KCNQ5: variants seen among roughly 807,000 people sequenced by gnomAD.
The protein encoded by KCNQ5 is potassium voltage-gated channel subfamily KQT member 5.
In KCNQ5, 30 loss-of-function variants were observed where a neutral mutation model predicts 98.2. The ratio of observed to expected loss-of-function variants is 0.31; its 90% CI spans 0.23 to 0.41. KCNQ5 has a LOEUF of 0.41. KCNQ5 is among the 10% of genes least tolerant of loss of function. The probability of loss-of-function intolerance (pLI) is 1.00; values close to 1 mark genes in which losing one functional copy is unlikely to be tolerated. For synonymous variants in KCNQ5, 458 were observed against 449.4 expected (o/e 1.02, Z -0.24); for missense variants, 835 against 1,182.5 (o/e 0.71, Z 4.31).
chr6:72,988,022 G>C (rs1008141643), intron 1 of KCNQ5, among the ~76,000 whole-genome samples: 1 of 152,136 alleles, frequency 6.6e-6, no homozygotes, highest in African/African-American at 2.4e-5. Context: ...TATCTTGATG[G>C]GCTTGGATGA....
At chr6:72,910,711 T>G (rs1290902561) in intron 1 of KCNQ5, among the ~76,000 whole-genome samples, 3 of 151,938 alleles carry the variant, frequency 2.0e-5, no homozygotes, top group African/African-American at 7.2e-5. Context: ...ACTCTAAATT[T>G]TGTTGCTGTG....
At chr6:72,729,590 T>C (rs926619210) in intron 1 of KCNQ5, among the ~76,000 whole-genome samples, 25 of 152,312 alleles carry the variant, frequency 1.6e-4, no homozygotes, top group African/African-American at 6.0e-4. Context: ...TTTTTAATTT[T>C]AAAAGAAACT....
At chr6:73,146,926 A>T (rs564389016) in intron 10 of KCNQ5, among the ~76,000 whole-genome samples, 2 of 152,298 alleles carry the variant, frequency 1.3e-5, no homozygotes, top group South Asian at 4.1e-4. Flanking sequence ...GTTTTAAAAA[A>T]TTGTTTTCAC....
intron 1 of KCNQ5, among the ~76,000 whole-genome samples, chr6:72,852,729 A>G (rs1301603763): frequency 6.9e-6 from 1 of 145,038 alleles, no homozygotes; most frequent in Non-Finnish European, 1.5e-5. Flanking sequence ...AAAAGATAAA[A>G]TAATTTTTTA....
In KCNQ5 at chr6:72,965,991, C is replaced by G. The variant is rs551574314; in HGVS notation, c.399-37917C>G. ...TCCCAGGGAGGTTAAAGTGCCTGCC[C>G]AAGGCCGTGTGCTGGAGCAGAAGGG... On this transcript the variant is annotated intron_variant, in intron 1 of 13. Coordinates refer to ENST00000370398, the MANE Select transcript of KCNQ5 (RefSeq NM_019842.4). 2.6e-5 allele frequency among the ~76,000 whole-genome samples: 4 copies of G among 152,278 alleles called. No homozygotes were observed. In the East Asian group the frequency reaches 7.7e-4, roughly 29 times the overall value.
intron 1 of KCNQ5, among the ~76,000 whole-genome samples, chr6:72,994,075 G>T (rs1372715867): frequency 2.1e-4 from 3 of 14,024 alleles, no homozygotes; most frequent in Non-Finnish European, 3.3e-4. Context: ...CTGTCAGACA[G>T]GGACACTTAA....
chr6:72,798,473 C>T (rs1311125359), intron 1 of KCNQ5, among the ~76,000 whole-genome samples: 1 of 152,150 alleles, frequency 6.6e-6, no homozygotes, highest in African/African-American at 2.4e-5. Context: ...GTTTGGTTCT[C>T]TCACTTGCAT....
intron 1 of KCNQ5, among the ~76,000 whole-genome samples, chr6:72,660,752 GT>G (rs1453369767): frequency 6.6e-6 from 1 of 152,118 alleles, no homozygotes; most frequent in Admixed American, 6.6e-5. Flanking sequence ...GTGAGTATAA[GT>G]AATAAATGCT....
chr6:73,154,622 C>T (rs1777281828), intron 10 of KCNQ5, among the ~76,000 whole-genome samples: 1 of 151,964 alleles, frequency 6.6e-6, no homozygotes, highest in Non-Finnish European at 1.5e-5. Flanking sequence ...TATATAGATC[C>T]AAGAATTTAA....
At chr6:72,982,492 T>G (rs1388373920) in intron 1 of KCNQ5, among the ~76,000 whole-genome samples, 1 of 143,746 alleles carries the variant, frequency 7.0e-6, no homozygotes, top group Non-Finnish European at 1.5e-5. Flanking sequence ...CCCTGCTTTT[T>G]TTTTTTTTTT....
In KCNQ5 at chr6:73,124,974, TATATATACACACAC is replaced by T. The variant is rs1312565173; in HGVS notation, c.1247+464_1247+477del. On this transcript the variant is annotated intron_variant, in intron 9 of 13. Transcript: ENST00000370398. ...ATATATATATATATATATATATATA[TATATATACACACAC>T]ACACATATATATATCATATACATAT... Among the ~76,000 whole-genome samples, 17 of 17,608 alleles carry T rather than the reference TATATATACACACAC, an allele frequency of 9.7e-4. 1 individual carries two copies. The highest frequency in any genetic ancestry group is 3.1e-3 in the African/African-American group (7 of 2,280). 11.6% of individuals were successfully genotyped at this position (17,608 alleles called of 152,430 possible). A position where few individuals can be genotyped will look rare whatever the true frequency, so the allele number is the denominator to read the frequency against.
chr6:72,829,800 A>AT lies in KCNQ5; in HGVS notation c.399-174107dup, dbSNP rs1419280031. ...AGACAAAGTAAATTTTCAAGTTTAC[A>AT]TAAAAAAGAACGTTTTTCTAAGAGA... On this transcript the variant is annotated intron_variant, in intron 1 of 13. Transcript: ENST00000370398. Among the ~76,000 whole-genome samples the AT allele has an allele frequency of 5.3e-5, 8 of 152,320 alleles. No homozygotes were observed. In the East Asian group the frequency reaches 1.5e-3, roughly 29 times the overall value.
intron 11 of KCNQ5, among the ~76,000 whole-genome samples, chr6:73,170,566 C>A (rs1383211279): frequency 2.5e-4 from 34 of 136,712 alleles, no homozygotes; most frequent in African/African-American, 4.6e-4. Flanking sequence ...AACTATATTG[C>A]AAAAAAAAAA....
chr6:72,663,640 C>T (rs1023289223), intron 1 of KCNQ5, among the ~76,000 whole-genome samples: 3 of 152,138 alleles, frequency 2.0e-5, no homozygotes, highest in African/African-American at 7.2e-5. Context: ...ATCCCAAATA[C>T]AAGTTCCCAA....
chr6:73,161,511 T>C (rs756487904), intron 10 of KCNQ5, among the ~76,000 whole-genome samples: 5 of 152,234 alleles, frequency 3.3e-5, no homozygotes, highest in Non-Finnish European at 5.9e-5. Flanking sequence ...ATATTTAAGA[T>C]GATGGATAGC....
At chr6:72,717,719 C>T (rs1769718062) in intron 1 of KCNQ5, among the ~76,000 whole-genome samples, 2 of 152,166 alleles carry the variant, frequency 1.3e-5, no homozygotes, top group African/African-American at 4.8e-5. Flanking sequence ...AATCGCTCTC[C>T]ATGAGGCTGC....
At chr6:72,795,985 T>C (rs934851052) in intron 1 of KCNQ5, among the ~76,000 whole-genome samples, 2 of 152,126 alleles carry the variant, frequency 1.3e-5, no homozygotes, top group African/African-American at 4.8e-5. Flanking sequence ...TTCATAAATA[T>C]ACACCTTTCA....
chr6:72,677,973 A>G (rs931565329), intron 1 of KCNQ5, among the ~76,000 whole-genome samples: 2 of 152,206 alleles, frequency 1.3e-5, no homozygotes, highest in South Asian at 2.1e-4. Flanking sequence ...TTATAATCAG[A>G]TGAACAAGAT....
intron 1 of KCNQ5, among the ~76,000 whole-genome samples, chr6:72,838,867 GT>G (rs1776644811): frequency 6.8e-6 from 1 of 146,354 alleles, no homozygotes; most frequent in Non-Finnish European, 1.5e-5. Flanking sequence ...GGAGAATGGC[GT>G]GAACCCGGGA....
Sources: gnomAD v4.1 joint callset for allele counts (sites outside exome capture counted in the v4.1 genomes callset) on GRCh38, gnomAD v4.1.1 for gene constraint, MANE v1.5 for transcripts, NCBI Gene and HGNC (gene_info 2026-07-23, HGNC 2026-07-21) for gene names.